The following ANO5 variants were observed in gnomAD, a reference collection of about 807,000 sequenced individuals.
ANO5 encodes the protein anoctamin-5.
ANO5 carries 109 observed loss-of-function variants against 121.0 expected under a neutral mutation model. The observed-to-expected ratio is 0.90, with a 90% CI of 0.77 to 1.06. The LOEUF (loss-of-function observed/expected upper bound fraction) is 1.06. Among genes scored for constraint, ANO5 ranks in the 50% least tolerant of loss-of-function variants. ANO5 has a pLI of 0.00. For missense variants in ANO5, 1,064 were observed against 1,078.5 expected (o/e 0.99, Z 0.19); for synonymous variants, 406 against 359.9 (o/e 1.13, Z -1.45).
chr11:22,234,843 C>T (rs12290597), intron 7 of ANO5, among the ~76,000 whole-genome samples: 8,310 of 152,090 alleles, frequency 0.055, 769 homozygotes, highest in African/African-American at 0.19. Flanking sequence ...TGTTTATCCC[C>T]ATTGATCCAT....
At chr11:22,228,946 G>A (rs1852940196) in intron 7 of ANO5, among the ~76,000 whole-genome samples, 2 of 151,900 alleles carry the variant, frequency 1.3e-5, no homozygotes, top group South Asian at 2.1e-4. Flanking sequence ...AACATAGGAT[G>A]GCAGATATCT....
chr11:22,221,400 G>T (rs544393057), intron 5 of ANO5, among the ~76,000 whole-genome samples, 190 bp downstream of exon 5: 15 of 152,014 alleles, frequency 9.9e-5, no homozygotes, highest in South Asian at 4.2e-4. Context: ...TATCTTTTTG[G>T]ATATTTTGCA....
intron 17 of ANO5, among the ~76,000 whole-genome samples, chr11:22,268,217 A>G (rs1854440120): frequency 6.6e-6 from 1 of 152,132 alleles, no homozygotes; most frequent in Non-Finnish European, 1.5e-5. Context: ...TACATGGAAA[A>G]ATAATTTGGC....
chr11:22,201,407 C>A (rs1297352275), intron 1 of ANO5, among the ~76,000 whole-genome samples: 1 of 152,122 alleles, frequency 6.6e-6, no homozygotes. Context: ...AGAGATATAT[C>A]AGATGCTTTG....
intron 12 of ANO5, among the ~76,000 whole-genome samples, chr11:22,253,222 T>C (rs1853884516): frequency 6.6e-6 from 1 of 152,176 alleles, no homozygotes; most frequent in Admixed American, 6.5e-5. Context: ...GTGATTCCTA[T>C]ATACTTATAA....
At chr11:22,195,728 A>G (rs1440626521) in intron 1 of ANO5, among the ~76,000 whole-genome samples, 1 of 152,138 alleles carries the variant, frequency 6.6e-6, no homozygotes, top group Non-Finnish European at 1.5e-5. Flanking sequence ...CACAATGCCC[A>G]GTCACACTCC....
At chr11:22,207,997 A>G (rs1852169746) in intron 2 of ANO5, among the ~76,000 whole-genome samples, 1 of 152,030 alleles carries the variant, frequency 6.6e-6, no homozygotes, top group Non-Finnish European at 1.5e-5. Context: ...TATGCCTATT[A>G]GAAGAGCTAA....
chr11:22,264,024 CT>C (rs71034583), intron 17 of ANO5, among the ~76,000 whole-genome samples: 29 of 128,080 alleles, frequency 2.3e-4, no homozygotes, highest in Non-Finnish European at 2.5e-4. Context: ...ATAGCCAAAC[CT>C]TTTTTTTTTT....
intron 17 of ANO5, 69 bp downstream of exon 17, chr11:22,263,112 G>T (rs1854250793): frequency 1.5e-6 from 2 of 1,338,532 alleles, no homozygotes; most frequent in Non-Finnish European, 2.1e-6. Context: ...GAAGAAGATG[G>T]AATTTTTTGA....
chr11:22,206,273 T>C (rs536310477), intron 2 of ANO5, among the ~76,000 whole-genome samples: 3 of 152,188 alleles, frequency 2.0e-5, no homozygotes, highest in South Asian at 4.1e-4. Context: ...TTATGCAACA[T>C]GGCCAGGTAG....
At chr11:22,219,682 C>T (rs1852577228) in intron 4 of ANO5, among the ~76,000 whole-genome samples, 1 of 151,890 alleles carries the variant, frequency 6.6e-6, no homozygotes, top group African/African-American at 2.4e-5. Flanking sequence ...TATAAGAGTG[C>T]CAATGATTTG....
rs377553546 is a variant in ANO5 at position 22,239,600 on chromosome 11, A to G, written c.794A>G (p.Asn265Ser). 36 of 1,612,664 alleles carry G rather than the reference A, an allele frequency of 2.2e-5. No individual in the cohort carries two copies. The highest frequency in any genetic ancestry group is 5.3e-5 in the African/African-American group (4 of 74,804). ...GQYWKPSEPPNPTNERYTLHQ... is the reference protein window; with the variant it reads ...GQYWKPSEPPSPTNERYTLHQ... ...TATTGGAAGCCATCAGAACCTCCCAATCCTACCAATGAAAGATACACACTT... is the reference window on the plus strand; with the variant it reads ...TATTGGAAGCCATCAGAACCTCCCAGTCCTACCAATGAAAGATACACACTT... The change falls in exon 9 of 22, where the codon AAT becomes AGT. Residue 265 changes from asparagine to serine, a missense_variant. Transcript: ENST00000324559.
intron 3 of ANO5, among the ~76,000 whole-genome samples, chr11:22,211,571 T>C (rs896932069): frequency 1.8e-4 from 27 of 151,684 alleles, no homozygotes; most frequent in African/African-American, 5.1e-4. Context: ...AAATGAAGGG[T>C]CTAAGAGGTG....
intron 6 of ANO5, among the ~76,000 whole-genome samples, chr11:22,226,841 C>T (rs768099708): frequency 5.3e-5 from 8 of 152,114 alleles, no homozygotes; most frequent in Non-Finnish European, 8.8e-5. Context: ...AGTTCTTCCT[C>T]ATTGTGTAGG....
At chr11:22,226,622 G>A (rs1418591852) in intron 6 of ANO5, among the ~76,000 whole-genome samples, 1 of 152,042 alleles carries the variant, frequency 6.6e-6, no homozygotes, top group East Asian at 1.9e-4. Context: ...CTACCTGAGA[G>A]GCCAAAGCAG....
At chr11:22,258,778 C>G (rs1854084600) in intron 14 of ANO5, among the ~76,000 whole-genome samples, 1 of 152,082 alleles carries the variant, frequency 6.6e-6, no homozygotes, top group South Asian at 2.1e-4. Flanking sequence ...ATATTTTTGG[C>G]TTTGTGGCCA....
intron 5 of ANO5, among the ~76,000 whole-genome samples, chr11:22,222,255 T>C (rs1365728500): frequency 1.3e-5 from 2 of 152,016 alleles, no homozygotes; most frequent in Non-Finnish European, 2.9e-5. Context: ...TATCTTTCTC[T>C]GCATCTTCTA....
In ANO5 at chr11:22,262,137, C is replaced by G. The variant is rs747719953; in HGVS notation, c.1639C>G (p.Arg547Gly). 3 of 1,613,334 alleles carry G rather than the reference C, an allele frequency of 1.9e-6. No homozygotes were observed. The highest frequency in any genetic ancestry group is 1.7e-6 in the Non-Finnish European group (2 of 1,179,790). Residue 547 changes from arginine to glycine, a missense_variant, in exon 16 of 22, where the codon CGA becomes GGA. Coordinates refer to ENST00000324559, the MANE Select transcript of ANO5 (RefSeq NM_213599.3). Reference sequence around the variant, plus strand: ...TTTTTTTAACTTAACAGAAATTCCTCGAACATACCAGGAGTATGAGAGCAG... The same window carrying G: ...TTTTTTTAACTTAACAGAAATTCCTGGAACATACCAGGAGTATGAGAGCAG... ...SAWITKMEIP[R>G]TYQEYESSLT... is the part of the protein sequence containing the mutation.
intron 18 of ANO5, 31 bp from the exon 19 acceptor site, chr11:22,272,753 A>G (rs753947505): frequency 6.3e-7 from 1 of 1,592,930 alleles, no homozygotes; most frequent in Non-Finnish European, 8.6e-7. Flanking sequence ...CTTCACAATA[A>G]TGAGTTCATG....
Sources: gnomAD v4.1 joint callset for allele counts (sites outside exome capture counted in the v4.1 genomes callset) on GRCh38, gnomAD v4.1.1 for gene constraint, MANE v1.5 for transcripts, NCBI Gene and HGNC (gene_info 2026-07-23, HGNC 2026-07-21) for gene names.